The following INTS9 variants were observed in gnomAD, a reference collection of about 807,000 sequenced individuals.
INTS9 encodes integrator complex subunit 9, also known as protein related to CPSF subunits of 74 kDa.
In INTS9, 55 loss-of-function variants were observed where a neutral mutation model predicts 79.7. The ratio of observed to expected loss-of-function variants is 0.69; its 90% CI spans 0.56 to 0.86. The LOEUF (loss-of-function observed/expected upper bound fraction) is 0.86, where lower values mean the gene tolerates loss of function less well. INTS9 is among the 40% of genes least tolerant of loss of function. The probability of loss-of-function intolerance (pLI) is 0.00; values close to 1 mark genes in which losing one functional copy is unlikely to be tolerated. For synonymous variants in INTS9, 319 were observed against 325.2 expected, an observed-to-expected ratio of 0.98 and a Z score of 0.20; for missense variants, 721 against 831.5, an observed-to-expected ratio of 0.87 and a Z score of 1.64.
rs191312886 is a variant in INTS9, at chr8:28,801,785, G to C, written c.745-5130C>G. On this transcript the variant is annotated intron_variant, in intron 8 of 16. Coordinates refer to ENST00000521022, the MANE Select transcript of INTS9 (RefSeq NM_018250.4). ...GTGCCACCATGGCCAGCTAATTTTTGTATTTTTTGTAGAGATGGAGTTTTA... is the reference window on the plus strand; with the variant it reads ...GTGCCACCATGGCCAGCTAATTTTTCTATTTTTTGTAGAGATGGAGTTTTA... Among the ~76,000 whole-genome samples the C allele has an allele frequency of 2.3e-4, 35 of 152,118 alleles. No homozygotes were observed. The East Asian group carries it at 6.8e-3, about 30-fold the overall frequency.
At chr8:28,828,858 T>C (rs1460279434) in intron 6 of INTS9, among the ~76,000 whole-genome samples, 3 of 152,162 alleles carry the variant, frequency 2.0e-5, no homozygotes, top group East Asian at 3.8e-4. Context: ...TAATTTTGTA[T>C]TTTTAGTAGA....
At chr8:28,844,020 T>C (rs1807349570) in intron 4 of INTS9, among the ~76,000 whole-genome samples, 1 of 152,154 alleles carries the variant, frequency 6.6e-6, no homozygotes, top group Non-Finnish European at 1.5e-5. Flanking sequence ...AATATGCAAT[T>C]TACAGAGAGG....
In INTS9 at chr8:28,859,490, C is replaced by T; in HGVS notation, c.83G>A (p.Cys28Tyr). Residue 28 changes from cysteine to tyrosine, a missense_variant, in exon 2 of 17, where the codon TGC (cysteine) becomes TAC (tyrosine). Transcript: ENST00000521022. ...GAGGGTAGAAGTCATGTCCAGTCCG[C>T]AGTCCAACATAATGGTGGTTGATTT... ...KFKSTTIMLD[C>Y]GLDMTSTLNF... 1 of 1,614,158 alleles carries T rather than the reference C, an allele frequency of 6.2e-7. No individual in the cohort carries two copies. The highest frequency in any genetic ancestry group is 8.5e-7 in the Non-Finnish European group (1 of 1,180,002).
rs201254959 is a variant in INTS9, at chr8:28,775,946, G to A, written c.1396-20C>T. ...CAGGGGCTGAGGAACCAATGGGACA[G>A]TTGAGAAAGGTGGTGTGAAGTACAG... On this transcript the variant is annotated intron_variant, in intron 13 of 16. Transcript: ENST00000521022. The A allele has an allele frequency of 1.3e-6, 2 of 1,525,892 alleles. No individual in the cohort carries two copies. Among genetic ancestry groups the A allele is most frequent in the Non-Finnish European group, 1.8e-6 (2 of 1,135,870 alleles). The allele number at this position is 1,525,892 out of a possible 1,614,324, so 94.5% of individuals were successfully genotyped here. A position where few individuals can be genotyped will look rare whatever the true frequency, so the allele number is the denominator to read the frequency against.
rs1280365574 is a variant in INTS9, at chr8:28,796,742, C to G, written c.745-87G>C. 5.9e-6 allele frequency: 5 copies of G among 847,500 alleles called. No homozygotes were observed. The African/African-American group carries it at 6.7e-5, about 11-fold the overall frequency. The allele number at this position is 847,500 out of a possible 1,614,324, so 52.5% of individuals were successfully genotyped here. On this transcript the variant is annotated intron_variant, in intron 8 of 16. Transcript: ENST00000521022. ...AAAGAATACGAGAACACAGACATTG[C>G]TCTTTCTACGTTTAACCCATCATCG...
rs1026216407 is a variant in INTS9 at position 28,769,918 on chromosome 8, C to G, written c.1771G>C (p.Val591Leu). 1 of 1,614,212 alleles carries G rather than the reference C, an allele frequency of 6.2e-7. No individual in the cohort carries two copies. Among genetic ancestry groups the G allele is most frequent in the African/African-American group, 1.3e-5 (1 of 75,070 alleles). The change falls in exon 16 of 17, where the codon GTG becomes CTG. Residue 591 changes from valine to leucine, a missense_variant. This residue lies in a region of INTS9 where 281 missense variants were observed against 300.8 expected (regional missense o/e 0.93). Transcript: ENST00000521022. Reference sequence around the variant, plus strand: ...TCCAGGGTCTGCACGAACTGCTCCACAGGGATGGAACCGCTCAACAAAGGC... The same window carrying G: ...TCCAGGGTCTGCACGAACTGCTCCAGAGGGATGGAACCGCTCAACAAAGGC... ...LKPLLSGSIPVEQFVQTLEKH... is the reference protein window; with the variant it reads ...LKPLLSGSIPLEQFVQTLEKH...
At chr8:28,849,966 G>A in intron 3 of INTS9, 1 of 360,722 alleles carries the variant, frequency 2.8e-6, no homozygotes, top group Non-Finnish European at 4.9e-6. Flanking sequence ...AAAGGTATTT[G>A]CAGCAGAAGT....
chr8:28,777,908 A>G lies in INTS9; in HGVS notation c.1316T>C (p.Leu439Pro). 1 of 1,612,852 alleles carries G rather than the reference A, an allele frequency of 6.2e-7. No individual in the cohort carries two copies. Among genetic ancestry groups the G allele is most frequent in the Non-Finnish European group, 8.5e-7 (1 of 1,179,408 alleles). ...YLEALAPYQP[L>P]AMKCIYCPID... ...GGGGCAGTAGATGCATTTCATGGCCAGCGGCTGGTAAGGAGCCAGGGCTTC... is the reference window on the plus strand; with the variant it reads ...GGGGCAGTAGATGCATTTCATGGCCGGCGGCTGGTAAGGAGCCAGGGCTTC... The change falls in exon 13 of 17, where the codon CTG (leucine) becomes CCG (proline). Residue 439 changes from leucine to proline, a missense_variant. Leu to Pro is a moderately conservative substitution (Grantham distance 98, BLOSUM62 -3). Around this residue, in one of 3 missense-constraint regions of INTS9, gnomAD observed 281 missense variants for 300.8 expected, o/e 0.93. Coordinates refer to ENST00000521022, the MANE Select transcript of INTS9 (RefSeq NM_018250.4).
At chr8:28,880,980 C>T (rs868134014) in intron 1 of INTS9, among the ~76,000 whole-genome samples, 8 of 151,076 alleles carry the variant, frequency 5.3e-5, no homozygotes, top group Non-Finnish European at 8.9e-5. Context: ...CGTCTCTGCC[C>T]GGCCGCTCCG....
rs575100388 is a variant in INTS9, at chr8:28,776,514, C to T, written c.1396-588G>A. ...GATTAGTAAACCAATTTTTACTTTGCACAAATATCACCCAAATGAAAAGGA... is the reference window on the plus strand; with the variant it reads ...GATTAGTAAACCAATTTTTACTTTGTACAAATATCACCCAAATGAAAAGGA... On this transcript the variant is annotated intron_variant, in intron 13 of 16. Coordinates refer to ENST00000521022, the MANE Select transcript of INTS9 (RefSeq NM_018250.4). Among the ~76,000 whole-genome samples, 131 of 149,702 alleles carry T rather than the reference C, an allele frequency of 8.8e-4. 1 individual carries two copies. The highest frequency in any genetic ancestry group is 1.4e-3 in the Non-Finnish European group (95 of 67,612).
intron 1 of INTS9, among the ~76,000 whole-genome samples, chr8:28,877,014 C>G (rs2131359208): frequency 6.6e-6 from 1 of 152,218 alleles, no homozygotes; most frequent in Admixed American, 6.5e-5. Flanking sequence ...AGTCAATTCT[C>G]TCCTTAAATT....
chr8:28,836,210 C>T (rs970830685), intron 5 of INTS9, among the ~76,000 whole-genome samples: 4 of 152,152 alleles, frequency 2.6e-5, no homozygotes, highest in East Asian at 1.9e-4. Context: ...AAATGGAGTA[C>T]GCTGCTAAAT....
At chr8:28,775,007 C>T (rs1423541360) in intron 14 of INTS9, among the ~76,000 whole-genome samples, 1 of 152,198 alleles carries the variant, frequency 6.6e-6, no homozygotes, top group African/African-American at 2.4e-5. Flanking sequence ...TGCAAGTATG[C>T]TCAAGAGGAT....
At chr8:28,791,051 G>A (rs767379671) in intron 10 of INTS9, among the ~76,000 whole-genome samples, 1 of 152,134 alleles carries the variant, frequency 6.6e-6, no homozygotes, top group African/African-American at 2.4e-5. Flanking sequence ...TACCTTTTCT[G>A]TATCAAGTAA....
At chr8:28,857,126 G>A (rs1170917390) in intron 2 of INTS9, among the ~76,000 whole-genome samples, 2 of 152,222 alleles carry the variant, frequency 1.3e-5, no homozygotes, top group East Asian at 3.9e-4. Flanking sequence ...CCACTGCTGA[G>A]GGGCACTTAA....
chr8:28,792,171 A>T (rs1331510711), intron 10 of INTS9, among the ~76,000 whole-genome samples: 1 of 152,246 alleles, frequency 6.6e-6, no homozygotes, highest in Non-Finnish European at 1.5e-5. Context: ...AAAGTCTGGC[A>T]TATGGCATTA....
At chr8:28,802,600 C>A (rs1010724282) in intron 8 of INTS9, among the ~76,000 whole-genome samples, 2 of 152,120 alleles carry the variant, frequency 1.3e-5, no homozygotes, top group Admixed American at 6.5e-5. Context: ...TCTTCAAGGC[C>A]TTCAGGTAAG....
At chr8:28,801,479 G>A (rs1280697249) in intron 8 of INTS9, among the ~76,000 whole-genome samples, 3 of 148,138 alleles carry the variant, frequency 2.0e-5, no homozygotes, top group African/African-American at 7.5e-5. Flanking sequence ...GACAGAGTAA[G>A]ACTCTGTCTC....
chr8:28,881,604 C>T (rs1585534997), intron 1 of INTS9, among the ~76,000 whole-genome samples: 7 of 110,080 alleles, frequency 6.4e-5, no homozygotes, highest in African/African-American at 1.8e-4. Context: ...GCCTGGCCAG[C>T]CGCCCCGTCC....
Sources: gnomAD v4.1 joint callset for allele counts (sites outside exome capture counted in the v4.1 genomes callset) on GRCh38, gnomAD v4.1.1 for gene constraint, gnomAD v4.1.1 regional missense constraint, MANE v1.5 for transcripts, NCBI Gene and HGNC (gene_info 2026-07-23, HGNC 2026-07-21) for gene names.